Variants in ANKS1A observed in about 807,000 individuals in gnomAD.
The protein encoded by ANKS1A is ankyrin repeat and SAM domain-containing protein 1A.
ANKS1A carries 55 observed loss-of-function variants against 120.3 expected under a neutral mutation model. That is an observed-to-expected ratio of 0.46 (90% CI 0.37 to 0.57). The LOEUF (loss-of-function observed/expected upper bound fraction) is 0.57, where lower values mean the gene tolerates loss of function less well. ANKS1A is among the 20% of genes least tolerant of loss of function. ANKS1A has a pLI of 0.00. For missense variants in ANKS1A, 1,123 were observed against 1,480.3 expected, an observed-to-expected ratio of 0.76 and a Z score of 3.96; for synonymous variants, 590 against 604.7, an observed-to-expected ratio of 0.98 and a Z score of 0.36.
At chr6:34,993,906 G>A (rs1341811566) in intron 9 of ANKS1A, among the ~76,000 whole-genome samples, 2 of 152,184 alleles carry the variant, frequency 1.3e-5, no homozygotes, top group Non-Finnish European at 2.9e-5. Context: ...AGAAAGGAAG[G>A]ATCCTGGATT....
chr6:35,053,284 T>C (rs543756258), intron 11 of ANKS1A, among the ~76,000 whole-genome samples: 1 of 152,378 alleles, frequency 6.6e-6, no homozygotes, highest in Admixed American at 6.5e-5. Context: ...TGCCTAGTTC[T>C]GCCCCTGGCC....
In ANKS1A at chr6:35,084,484, G is replaced by A. The variant is rs1165488689; in HGVS notation, c.3132+226G>A. 7.0e-6 allele frequency among the ~76,000 whole-genome samples: 1 copy of A among 141,964 alleles called. No homozygotes were observed. Among genetic ancestry groups the A allele is most frequent in the Non-Finnish European group, 1.5e-5 (1 of 66,270 alleles). 93.1% of individuals were successfully genotyped at this position (141,964 alleles called of 152,430 possible). ...CTGGCCCAGGGCACTAGGGACAGGA[G>A]GTTCCAGCTTTTTTTTTTTTTTTTT... On this transcript the variant is annotated intron_variant, in intron 21 of 23. Transcript: ENST00000360359. This position sits in a 1 kb window ranked among gnomAD's most constrained non-coding sequence, Gnocchi z 4.8.
intron 11 of ANKS1A, among the ~76,000 whole-genome samples, chr6:35,036,018 T>C (rs1264065375): frequency 6.6e-6 from 1 of 152,240 alleles, no homozygotes; most frequent in Non-Finnish European, 1.5e-5. Context: ...TTCTAGTGAA[T>C]GGCTCTAGTT....
At chr6:34,981,558 G>A (rs1317332411) in intron 3 of ANKS1A, 132 bp from the exon 4 acceptor site, 6 of 991,008 alleles carry the variant, frequency 6.1e-6, no homozygotes, top group Admixed American at 2.6e-5. Flanking sequence ...TCTGGATTCC[G>A]ACTTTTATTA....
In ANKS1A at chr6:35,017,973, G is replaced by T. The variant is rs370816825; in HGVS notation, c.1924G>T (p.Gly642Trp). 1.2e-6 allele frequency: 2 copies of T among 1,614,090 alleles called. No homozygotes were observed. Among genetic ancestry groups the T allele is most frequent in the Non-Finnish European group, 1.7e-6 (2 of 1,180,052 alleles). ...CTCACCCACAGAGGACGCTACCATGGGGAGTCGGAGTGAGTCCTTATCCAA... is the reference window on the plus strand; with the variant it reads ...CTCACCCACAGAGGACGCTACCATGTGGAGTCGGAGTGAGTCCTTATCCAA... ...TCSPTEDATM[G>W]SRSESLSNCS... is the part of the protein sequence containing the mutation. Residue 642 changes from glycine (G) to tryptophan (W), a missense_variant, in exon 11 of 24, where the codon GGG becomes TGG. Around this residue, in one of 3 missense-constraint regions of ANKS1A, gnomAD observed 904 missense variants for 1,130.4 expected, o/e 0.80. Transcript: ENST00000360359.
At chr6:35,025,455 G>A (rs940193077) in intron 11 of ANKS1A, among the ~76,000 whole-genome samples, 7 of 151,488 alleles carry the variant, frequency 4.6e-5, no homozygotes, top group Non-Finnish European at 7.4e-5. Context: ...CCGCTTGCTG[G>A]TCCCTTGCTG....
chr6:34,993,955 G>A (rs1772710551), intron 9 of ANKS1A, among the ~76,000 whole-genome samples: 1 of 152,108 alleles, frequency 6.6e-6, no homozygotes, highest in Non-Finnish European at 1.5e-5. Context: ...CAAAGAAAAG[G>A]GAGTTTTTTG....
At chr6:35,070,316 C>T (rs1215357676) in intron 13 of ANKS1A, among the ~76,000 whole-genome samples, 1 of 152,040 alleles carries the variant, frequency 6.6e-6, no homozygotes, top group Non-Finnish European at 1.5e-5. Context: ...TTTCCCATCT[C>T]ACCCCTTCCC....
intron 5 of ANKS1A, 100 bp from the exon 6 acceptor site, chr6:34,983,013 G>C: frequency 3.1e-6 from 4 of 1,307,842 alleles, no homozygotes; most frequent in Non-Finnish European, 4.4e-6. Flanking sequence ...GAAAAATGTT[G>C]GCCATGCTGC....
intron 1 of ANKS1A, among the ~76,000 whole-genome samples, chr6:34,902,842 T>C (rs987430885): frequency 6.6e-6 from 1 of 151,020 alleles, no homozygotes; most frequent in Admixed American, 6.6e-5. Context: ...TTATCCATTA[T>C]GATCTGTTAG....
intron 3 of ANKS1A, among the ~76,000 whole-genome samples, chr6:34,976,945 A>G (rs1448833969): frequency 1.3e-5 from 2 of 152,228 alleles, no homozygotes; most frequent in Admixed American, 6.5e-5. Flanking sequence ...ATAAAGCCAC[A>G]ATACATTTAT....
intron 1 of ANKS1A, among the ~76,000 whole-genome samples, chr6:34,965,333 C>G (rs1451941740): frequency 1.3e-5 from 2 of 151,946 alleles, no homozygotes; most frequent in African/African-American, 4.8e-5. Flanking sequence ...CTGTTGATGC[C>G]TATTGCTAAA....
In ANKS1A at chr6:35,044,538, T is replaced by G. The variant is rs1408748094; in HGVS notation, c.2011-9561T>G. On this transcript the variant is annotated intron_variant, in intron 11 of 23. Coordinates refer to ENST00000360359, the MANE Select transcript of ANKS1A (RefSeq NM_015245.3). This position sits in a 1 kb window ranked among gnomAD's most constrained non-coding sequence, Gnocchi z 4.4. ...GAGACCCTGTTCCCTCTCCTCACTT[T>G]GGTATTGTCTTGGATCCTCCGGTTT... Among the ~76,000 whole-genome samples, 1 of 152,210 alleles carries G rather than the reference T, an allele frequency of 6.6e-6. No individual in the cohort carries two copies. The highest frequency in any genetic ancestry group is 1.5e-5 in the Non-Finnish European group (1 of 68,032).
chr6:34,929,345 G>A (rs1010395530), intron 1 of ANKS1A, among the ~76,000 whole-genome samples: 1 of 152,184 alleles, frequency 6.6e-6, no homozygotes, highest in African/African-American at 2.4e-5. Context: ...TATAATAGAC[G>A]AATGAATAAA....
At chr6:34,906,780 C>T (rs1007609181) in intron 1 of ANKS1A, among the ~76,000 whole-genome samples, 2 of 152,186 alleles carry the variant, frequency 1.3e-5, no homozygotes, top group South Asian at 4.1e-4. Context: ...CAGCTTCAAC[C>T]GATGTCCACT....
chr6:35,087,202 G>A (rs1033835427), intron 23 of ANKS1A, among the ~76,000 whole-genome samples, 153 bp downstream of exon 23: 102 of 122,704 alleles, frequency 8.3e-4, no homozygotes, highest in Admixed American at 6.7e-3. Flanking sequence ...CCTCTTGGGC[G>A]GGCGGCAGCG....
intron 10 of ANKS1A, among the ~76,000 whole-genome samples, chr6:34,995,519 A>G (rs1459132002): frequency 6.6e-6 from 1 of 152,230 alleles, no homozygotes; most frequent in African/African-American, 2.4e-5. Flanking sequence ...CAATAAAAAT[A>G]TAGAACAGTT....
chr6:35,058,872 C>T lies in ANKS1A; in HGVS notation c.2078-1275C>T, dbSNP rs1776339946. Among the ~76,000 whole-genome samples, 5 of 152,220 alleles carry T rather than the reference C, an allele frequency of 3.3e-5. No homozygotes were observed. In the South Asian group the frequency reaches 1.0e-3, roughly 31 times the overall value. ...TGTCCTCCCTGCACCACCAAAATCC[C>T]CATGCTGATCGAGGAGCAAATAGAT... On this transcript the variant is annotated intron_variant, in intron 12 of 23. Transcript: ENST00000360359. The surrounding 1 kb of genome is among the most constrained non-coding windows in gnomAD (Gnocchi z 5.1).
At chr6:35,091,470 G>A, downstream of ANKS1A, 2 of 965,654 alleles carry the variant, frequency 2.1e-6, no homozygotes, top group Non-Finnish European at 2.5e-6. Context: ...AGAGGCGTGG[G>A]CACAGGCGAG....
Sources: gnomAD v4.1 joint callset for allele counts (sites outside exome capture counted in the v4.1 genomes callset) on GRCh38, gnomAD v4.1.1 for gene constraint, gnomAD v4.1.1 regional missense constraint, Gnocchi (gnomAD v3.1) non-coding constraint, MANE v1.5 for transcripts, NCBI Gene and HGNC (gene_info 2026-07-23, HGNC 2026-07-21) for gene names.